Variants in METTL26 observed in about 807,000 individuals in gnomAD.
METTL26 encodes the protein methyltransferase like 26, also known as methyltransferase-like 26.
METTL26 carries 28 observed loss-of-function variants against 24.7 expected under a neutral mutation model. The observed-to-expected ratio is 1.13, with a 90% CI of 0.84 to 1.55. METTL26 has a LOEUF of 1.55. Among genes scored for constraint, METTL26 ranks in the 40% most tolerant of loss-of-function variants. The pLI, the probability that METTL26 is intolerant of heterozygous loss-of-function variation, is 0.00. For missense variants in METTL26, 344 were observed against 281.2 expected (o/e 1.22, Z -1.60); for synonymous variants, 165 against 125.2 (o/e 1.32, Z -2.12).
In METTL26 at chr16:634,704, C is replaced by G. The variant is rs377633763; in HGVS notation, c.567+15G>C. On this transcript the variant is annotated intron_variant, in intron 5 of 5. Transcript: ENST00000301686. ...CCCCTAGAGAGGTTGCCTGGGCCCC[C>G]GCTCCCCCACCTACCATCCTCTCCA... 6.2e-7 allele frequency: 1 copy of G among 1,612,886 alleles called. No homozygotes were observed. The highest frequency in any genetic ancestry group is 2.2e-5 in the East Asian group (1 of 44,888).
chr16:635,166 G>T, intron 3 of METTL26, 115 bp downstream of exon 3: 1 of 1,471,778 alleles, frequency 6.8e-7, no homozygotes, highest in Non-Finnish European at 9.1e-7. Flanking sequence ...TGGAGGGGAG[G>T]CCGTGCTGGT....
Position 634,699 on chromosome 16 carries a change from G to A in METTL26, c.567+20C>T. ...CTCAACCCCTAGAGAGGTTGCCTGG[G>A]CCCCCGCTCCCCCACCTACCATCCT... On this transcript the variant is annotated intron_variant, in intron 5 of 5. Coordinates refer to ENST00000301686, the MANE Select transcript of METTL26 (RefSeq NM_032366.5). 1 of 1,612,902 alleles carries A rather than the reference G, an allele frequency of 6.2e-7. No homozygotes were observed.
intron 5 of METTL26, 28 bp downstream of exon 5, chr16:634,691 T>A: frequency 6.2e-7 from 1 of 1,612,822 alleles, no homozygotes; most frequent in Admixed American, 1.7e-5. Context: ...CCTAGAGAGG[T>A]TGCCTGGGCC....
intron 3 of METTL26, 82 bp downstream of exon 3, chr16:635,199 C>T: frequency 1.3e-6 from 2 of 1,498,030 alleles, no homozygotes; most frequent in South Asian, 1.3e-5. Flanking sequence ...GGCAGGGAGC[C>T]CAGGAGGGAG....
rs1035786400 is a variant in METTL26 at position 635,535 on chromosome 16, C to T, written c.360+77G>A. 6 of 1,351,248 alleles carry T rather than the reference C, an allele frequency of 4.4e-6. No homozygotes were observed. The Admixed American group carries it at 9.8e-5, about 22-fold the overall frequency. The allele number at this position is 1,351,248 out of a possible 1,614,324, so 83.7% of individuals were successfully genotyped here. On this transcript the variant is annotated intron_variant, in intron 2 of 5. Coordinates refer to ENST00000301686, the MANE Select transcript of METTL26 (RefSeq NM_032366.5). ...ACCCTCACCCCGACTGTGATGGGGGCAAATCTGGCATCCCAGCTGCCCCCA... is the reference window on the plus strand; with the variant it reads ...ACCCTCACCCCGACTGTGATGGGGGTAAATCTGGCATCCCAGCTGCCCCCA...
At chr16:635,452 C>T (rs1198141529) in intron 2 of METTL26, 112 bp from the exon 3 acceptor site, 1 of 616,460 alleles carries the variant, frequency 1.6e-6, no homozygotes, top group African/African-American at 1.9e-5. Context: ...ACCCTCACCC[C>T]GACTGTGATG....
chr16:635,801 G>A, intron 1 of METTL26, 27 bp from the exon 2 acceptor site: 1 of 1,536,704 alleles, frequency 6.5e-7, no homozygotes, highest in Admixed American at 1.9e-5. Flanking sequence ...CTTGGGTGGG[G>A]GCCGAGTCCT....
At chr16:635,583 C>T (rs576646973) in intron 2 of METTL26, 29 bp downstream of exon 2, 3 of 1,547,388 alleles carry the variant, frequency 1.9e-6, no homozygotes, top group Middle Eastern at 1.7e-4. Flanking sequence ...GGTGCCACGG[C>T]AGACACCCAT....
At position 634,444 on chromosome 16, in the gene METTL26, T is replaced by C; in HGVS notation, c.*153A>G. 6.9e-7 allele frequency: 1 copy of C among 1,439,856 alleles called. No individual in the cohort carries two copies. The highest frequency in any genetic ancestry group is 2.3e-5 in the East Asian group (1 of 43,984). 89.2% of individuals were successfully genotyped at this position (1,439,856 alleles called of 1,614,324 possible). A position where few individuals can be genotyped will look rare whatever the true frequency, so the allele number is the denominator to read the frequency against. Reference sequence around the variant, plus strand: ...ACACCAGCAAGCCGGCAGCAGGACATGCTTTATTCTGAGCAGGCTGGGCCC... The same window carrying C: ...ACACCAGCAAGCCGGCAGCAGGACACGCTTTATTCTGAGCAGGCTGGGCCC... On this transcript the variant is annotated 3_prime_UTR_variant, in exon 6 of 6. Coordinates refer to ENST00000301686, the MANE Select transcript of METTL26 (RefSeq NM_032366.5).
intron 3 of METTL26, 69 bp from the exon 4 acceptor site, chr16:635,025 T>C: frequency 6.5e-7 from 1 of 1,541,762 alleles, no homozygotes; most frequent in Non-Finnish European, 8.7e-7. Flanking sequence ...GGGACAGACT[T>C]GCAGGCTGGG....
Position 634,443 on chromosome 16 carries a change from A to T in METTL26, c.*154T>A. 1 of 1,435,646 alleles carries T rather than the reference A, an allele frequency of 7.0e-7. No individual in the cohort carries two copies. Among genetic ancestry groups the T allele is most frequent in the Non-Finnish European group, 9.8e-7 (1 of 1,025,526 alleles). The allele number at this position is 1,435,646 out of a possible 1,614,324, so 88.9% of individuals were successfully genotyped here. ...GACACCAGCAAGCCGGCAGCAGGACATGCTTTATTCTGAGCAGGCTGGGCC... is the reference window on the plus strand; with the variant it reads ...GACACCAGCAAGCCGGCAGCAGGACTTGCTTTATTCTGAGCAGGCTGGGCC... On this transcript the variant is annotated 3_prime_UTR_variant, in exon 6 of 6. Transcript: ENST00000301686.
intron 1 of METTL26, 23 bp from the exon 2 acceptor site, chr16:635,797 T>G (rs1333802660): frequency 6.5e-7 from 1 of 1,542,742 alleles, no homozygotes; most frequent in African/African-American, 1.4e-5. Flanking sequence ...AACGCTTGGG[T>G]GGGGGCCGAG....
chr16:635,917 C>T, intron 1 of METTL26, 143 bp from the exon 2 acceptor site: 1 of 1,340,568 alleles, frequency 7.5e-7, no homozygotes, highest in Non-Finnish European at 9.9e-7. Context: ...CCGAGGTCCA[C>T]CCACTTCCGC....
chr16:634,690 G>C (rs1394864922), intron 5 of METTL26, 29 bp downstream of exon 5: 1 of 1,612,958 alleles, frequency 6.2e-7, no homozygotes, highest in Non-Finnish European at 8.5e-7. Context: ...CCCTAGAGAG[G>C]TTGCCTGGGC....
chr16:635,189 G>A (rs2037072598), intron 3 of METTL26, 92 bp downstream of exon 3: 4 of 1,483,658 alleles, frequency 2.7e-6, no homozygotes, highest in South Asian at 2.6e-5. Flanking sequence ...CTGGGCGGGG[G>A]GCAGGGAGCC....
In METTL26 at chr16:634,703, C is replaced by T; in HGVS notation, c.567+16G>A. 1.2e-6 allele frequency: 2 copies of T among 1,612,918 alleles called. No homozygotes were observed. The highest frequency in any genetic ancestry group is 1.7e-6 in the Non-Finnish European group (2 of 1,179,970). On this transcript the variant is annotated intron_variant, in intron 5 of 5. Coordinates refer to ENST00000301686, the MANE Select transcript of METTL26 (RefSeq NM_032366.5). ...ACCCCTAGAGAGGTTGCCTGGGCCC[C>T]CGCTCCCCCACCTACCATCCTCTCC...
Position 634,432 on chromosome 16 carries a change from G to T in METTL26, c.*165C>A. On this transcript the variant is annotated 3_prime_UTR_variant, in exon 6 of 6. Transcript: ENST00000301686. The stretch of plus-strand genomic sequence containing the variant: ...GAGGTGGGGCAGACACCAGCAAGCC[G>T]GCAGCAGGACATGCTTTATTCTGAG... The T allele has an allele frequency of 2.2e-6, 3 of 1,373,564 alleles. No individual in the cohort carries two copies. Among genetic ancestry groups the T allele is most frequent in the Middle Eastern group, 2.1e-4 (1 of 4,708 alleles). 85.1% of individuals were successfully genotyped at this position (1,373,564 alleles called of 1,614,324 possible). A position where few individuals can be genotyped will look rare whatever the true frequency, so the allele number is the denominator to read the frequency against.
chr16:635,745 A>G lies in METTL26; in HGVS notation c.227T>C (p.Leu76Pro). The G allele has an allele frequency of 6.3e-7, 1 of 1,577,610 alleles. No individual in the cohort carries two copies. Among genetic ancestry groups the G allele is most frequent in the Non-Finnish European group, 8.6e-7 (1 of 1,161,912 alleles). The change falls in exon 2 of 6, where the codon CTG (leucine) becomes CCG (proline). Residue 76 changes from leucine to proline, a missense_variant. Coordinates refer to ENST00000301686, the MANE Select transcript of METTL26 (RefSeq NM_032366.5). Reference protein sequence around the residue: ...SIAATTQAQGLTNVKAPLHLD... With the variant: ...SIAATTQAQGPTNVKAPLHLD... The stretch of plus-strand genomic sequence containing the variant: ...GTGTAGCGGGGCCTTCACGTTGGTC[A>G]GGCCCTGGGCTTGCGTGGTGGCCGC...
rs1480345257 is a variant in METTL26 at position 636,192 on chromosome 16, C to T, written c.99G>A (p.Glu33=). 2 of 1,489,618 alleles carry T rather than the reference C, an allele frequency of 1.3e-6. No individual in the cohort carries two copies. The highest frequency in any genetic ancestry group is 1.8e-6 in the Non-Finnish European group (2 of 1,126,284). 92.3% of individuals were successfully genotyped at this position (1,489,618 alleles called of 1,614,324 possible). ...CGTGCTGGCCGGAGCCCGAGGCCAC[C>T]TCGAGGACGCGGACGCCACGCTGGG... ...DPAQRGVRVL[E]VASGSGQHAA... The change falls in exon 1 of 6, where the codon GAG becomes GAA. Residue 33 remains glutamate, a synonymous_variant. Transcript: ENST00000301686.
Sources: allele counts gnomAD v4.1 joint callset, GRCh38; gene constraint gnomAD v4.1.1; transcripts MANE v1.5; gene names NCBI Gene and HGNC (gene_info 2026-07-23, HGNC 2026-07-21).